The following ANKAR variants were observed in gnomAD, a reference collection of about 807,000 sequenced individuals.
The protein encoded by ANKAR is ankyrin and armadillo repeat-containing protein.
Under a neutral mutation model 146.2 loss-of-function variants are expected in ANKAR, and 136 were observed. The ratio of observed to expected loss-of-function variants is 0.93; its 90% CI spans 0.81 to 1.07. ANKAR has a LOEUF of 1.07. Among genes scored for constraint, ANKAR ranks in the 50% least tolerant of loss-of-function variants. ANKAR has a pLI of 0.00. For missense variants in ANKAR, 1,567 were observed against 1,679.9 expected, an observed-to-expected ratio of 0.93 and a Z score of 1.18; for synonymous variants, 500 against 575.8, an observed-to-expected ratio of 0.87 and a Z score of 1.88.
intron 16 of ANKAR, among the ~76,000 whole-genome samples, chr2:189,731,390 T>TC (rs1435374055): frequency 6.6e-6 from 1 of 150,600 alleles, no homozygotes; most frequent in East Asian, 1.9e-4. Context: ...TTTTTTTTTT[T>TC]TGAGACAGAA....
chr2:189,701,273 C>T (rs1217027633), intron 7 of ANKAR, among the ~76,000 whole-genome samples: 1 of 151,928 alleles, frequency 6.6e-6, no homozygotes, highest in African/African-American at 2.4e-5. Flanking sequence ...GTATTTATTG[C>T]CCAGGCTGGA....
intron 2 of ANKAR, among the ~76,000 whole-genome samples, chr2:189,684,688 AGGCATGGT>A (rs1030063664): frequency 2.6e-5 from 4 of 151,872 alleles, no homozygotes; most frequent in Non-Finnish European, 5.9e-5. Context: ...AAAATTAGCC[AGGCATGGT>A]GGTGCACGCC....
downstream of ANKAR, among the ~76,000 whole-genome samples, chr2:189,750,294 C>T (rs2044953775): frequency 6.6e-6 from 1 of 152,078 alleles, no homozygotes; most frequent in Non-Finnish European, 1.5e-5. Context: ...TACTGTGCTT[C>T]TTTCAAAGCT....
rs1574420006 is a variant in ANKAR at position 189,693,141 on chromosome 2, A to G, written c.1271A>G (p.Tyr424Cys). The G allele has an allele frequency of 6.4e-7, 1 of 1,560,556 alleles. No homozygotes were observed. The highest frequency in any genetic ancestry group is 8.7e-7 in the Non-Finnish European group (1 of 1,149,852). Residue 424 changes from tyrosine to cysteine, a missense_variant, in exon 5 of 23, where the codon TAT (tyrosine) becomes TGT (cysteine). Transcript: ENST00000684021. ...ATAGAAGATTCAGGATATAAAGAATATTACTCAATACCAGTCATGGAATTT... is the reference window on the plus strand; with the variant it reads ...ATAGAAGATTCAGGATATAAAGAATGTTACTCAATACCAGTCATGGAATTT... ...TFIEDSGYKE[Y>C]YSIPVMEFHG... is the part of the protein sequence containing the mutation.
At chr2:189,705,304 A>G in intron 8 of ANKAR, 80 bp downstream of exon 8, 1 of 1,420,358 alleles carries the variant, frequency 7.0e-7, no homozygotes, top group Non-Finnish European at 9.7e-7. Context: ...AAAATTAAAT[A>G]GAATATAAAT....
intron 10 of ANKAR, among the ~76,000 whole-genome samples, chr2:189,711,478 G>A (rs2039671793): frequency 6.6e-6 from 1 of 152,094 alleles, no homozygotes. Flanking sequence ...TTCCTATTCT[G>A]TAATTTGCAC....
At chr2:189,702,137 A>G (rs112982872) in intron 7 of ANKAR, among the ~76,000 whole-genome samples, 5,726 of 152,250 alleles carry the variant, frequency 0.038, 154 homozygotes, top group African/African-American at 0.067. Context: ...ATAAAACCCC[A>G]GCAGGTTAGG....
At position 189,698,929 on chromosome 2, in the gene ANKAR, T is replaced by A. The variant is rs75058921; in HGVS notation, c.1708+2560T>A. The stretch of plus-strand genomic sequence containing the variant: ...GTAGAAATTTCCAGTTGAGTAACAA[T>A]AGTGTGCCTCCTACATTATTGCTCT... On this transcript the variant is annotated intron_variant, in intron 7 of 22. Transcript: ENST00000684021. Among the ~76,000 whole-genome samples the A allele has an allele frequency of 5.9e-3, 892 of 152,296 alleles. 23 individuals carry two copies. In the East Asian group the frequency reaches 0.082, roughly 14 times the overall value.
chr2:189,729,715 T>TGTGTGTGTGTGTGTGTCTGTGTGTGG (rs61101787), intron 15 of ANKAR, among the ~76,000 whole-genome samples: 1 of 141,398 alleles, frequency 7.1e-6, no homozygotes, highest in East Asian at 2.2e-4. Flanking sequence ...TGTGTGTGTG[T>TGTGTGTGTGTGTGTGTCTGTGTGTGG]GGTGCGGGTG....
rs2035397860 is a variant in ANKAR at position 189,685,283 on chromosome 2, T to C, written c.602-4244T>C. On this transcript the variant is annotated intron_variant, in intron 2 of 22. Coordinates refer to ENST00000684021, the MANE Select transcript of ANKAR (RefSeq NM_001378068.1). ...CTTCTGGTCCTTGATTCAGGGAACA[T>C]TATTTTTCATGATATGAACAATCGT... is the stretch of plus-strand genomic sequence containing the variant. 4.6e-5 allele frequency among the ~76,000 whole-genome samples: 7 copies of C among 152,086 alleles called. No individual in the cohort carries two copies. The South Asian group carries it at 1.5e-3, about 32-fold the overall frequency.
intron 12 of ANKAR, among the ~76,000 whole-genome samples, chr2:189,726,748 A>AT (rs879743827): frequency 6.6e-6 from 1 of 152,186 alleles, no homozygotes; most frequent in Non-Finnish European, 1.5e-5. Flanking sequence ...GCATCTACTA[A>AT]TTGCCTTGTA....
At chr2:189,706,384 TCAA>T (rs529179927) in intron 8 of ANKAR, among the ~76,000 whole-genome samples, 2,794 of 151,156 alleles carry the variant, frequency 0.018, 79 homozygotes, top group African/African-American at 0.063. Flanking sequence ...AGACTCCATC[TCAA>T]CAACAACAAC....
At chr2:189,718,782 G>C (rs1165983198) in intron 10 of ANKAR, among the ~76,000 whole-genome samples, 1 of 138,620 alleles carries the variant, frequency 7.2e-6, no homozygotes, top group Admixed American at 7.7e-5. Context: ...TCGCTCTGTC[G>C]CCCAGGCCGG....
At chr2:189,744,921 G>A (rs1223553094) in intron 22 of ANKAR, 133 bp downstream of exon 22, 6 of 614,216 alleles carry the variant, frequency 9.8e-6, no homozygotes, top group African/African-American at 1.9e-5. Flanking sequence ...ACTTTGGGAG[G>A]CCGAGGTGGG....
intron 7 of ANKAR, among the ~76,000 whole-genome samples, chr2:189,700,193 T>C (rs1049645384): frequency 6.6e-6 from 1 of 152,186 alleles, no homozygotes; most frequent in Non-Finnish European, 1.5e-5. Flanking sequence ...TTTGAGAAAG[T>C]CTTTATTCCT....
Position 189,689,626 on chromosome 2 carries a change from C to T in ANKAR, c.701C>T (p.Ala234Val). The T allele has an allele frequency of 6.2e-7, 1 of 1,613,626 alleles. No homozygotes were observed. The highest frequency in any genetic ancestry group is 8.5e-7 in the Non-Finnish European group (1 of 1,179,758). ...GATCCCAACAGCCCTGAAGAAACAG[C>T]TGTATTTATGAAATATGCTGAAAAT... ...TYDPNSPEET[A>V]VFMKYAENIM... Residue 234 changes from alanine (A) to valine (V), a missense_variant, in exon 3 of 23, where the codon GCT (alanine) becomes GTT (valine). Transcript: ENST00000684021.
Position 189,696,152 on chromosome 2 carries a change from T to C in ANKAR, c.1491T>C (p.Ser497=), listed in dbSNP as rs1424731760. The C allele has an allele frequency of 1.2e-6, 2 of 1,613,414 alleles. No individual in the cohort carries two copies. Among genetic ancestry groups the C allele is most frequent in the Non-Finnish European group, 1.7e-6 (2 of 1,179,860 alleles). ...LGFKRAMKCK[S]IPFGMKSAVE... is the part of the protein sequence containing the mutation. ...GATTCTGGCCTTCTTAATTTTAGAG[T>C]ATTCCATTTGGTATGAAGTCCGCTG... Residue 497 remains serine, a splice_region_variant and synonymous_variant, in exon 7 of 23, where the codon AGT becomes AGC. Coordinates refer to ENST00000684021, the MANE Select transcript of ANKAR (RefSeq NM_001378068.1).
intron 17 of ANKAR, 25 bp downstream of exon 17, chr2:189,733,254 G>A: frequency 1.3e-6 from 2 of 1,548,642 alleles, no homozygotes; most frequent in South Asian, 1.2e-5. Context: ...AAATATTGAG[G>A]TTCATTTTGA....
chr2:189,679,056 G>A (rs898854679), intron 2 of ANKAR, among the ~76,000 whole-genome samples: 3 of 152,156 alleles, frequency 2.0e-5, no homozygotes, highest in African/African-American at 7.2e-5. Flanking sequence ...CCATCCATGA[G>A]CATGGGATGT....
Sources: allele counts gnomAD v4.1 joint callset (sites outside exome capture counted in the v4.1 genomes callset), GRCh38; gene constraint gnomAD v4.1.1; transcripts MANE v1.5; gene names NCBI Gene and HGNC (gene_info 2026-07-23, HGNC 2026-07-21).